CHN1: variants seen among roughly 807,000 people sequenced by gnomAD.
CHN1 encodes chimerin 1.
Under a neutral mutation model 59.5 loss-of-function variants are expected in CHN1, and 37 were observed. That is an observed-to-expected ratio of 0.62 (90% CI 0.48 to 0.82). The LOEUF is 0.82. Among genes scored for constraint, CHN1 ranks in the 40% least tolerant of loss-of-function variants. The pLI, the probability that CHN1 is intolerant of heterozygous loss-of-function variation, is 0.00. For missense variants in CHN1, 469 were observed against 571.0 expected, an observed-to-expected ratio of 0.82 and a Z score of 1.82; for synonymous variants, 206 against 200.4, an observed-to-expected ratio of 1.03 and a Z score of -0.24.
At chr2:174,831,983 G>C (rs1203395502) in intron 7 of CHN1, among the ~76,000 whole-genome samples, 2 of 152,122 alleles carry the variant, frequency 1.3e-5, no homozygotes, top group Non-Finnish European at 2.9e-5. Flanking sequence ...CTACATTATA[G>C]ATAGGTAACT....
At chr2:174,924,887 T>C (rs1427227824) in intron 3 of CHN1, among the ~76,000 whole-genome samples, 1 of 152,220 alleles carries the variant, frequency 6.6e-6, no homozygotes, top group Non-Finnish European at 1.5e-5. Context: ...TAAAACTGGT[T>C]GAACTCAATG....
chr2:174,984,161 A>G (rs1691259017), intron 1 of CHN1, among the ~76,000 whole-genome samples: 1 of 152,094 alleles, frequency 6.6e-6, no homozygotes, highest in Non-Finnish European at 1.5e-5. Flanking sequence ...TCCATGGGGA[A>G]AATAAACACT....
At chr2:174,915,667 A>G (rs192519037) in intron 4 of CHN1, among the ~76,000 whole-genome samples, 1 of 152,342 alleles carries the variant, frequency 6.6e-6, no homozygotes, top group Non-Finnish European at 1.5e-5. Flanking sequence ...CATAATCTGC[A>G]TTACTGAACA....
At chr2:174,942,104 C>G (rs1008184537) in intron 3 of CHN1, among the ~76,000 whole-genome samples, 18 of 152,064 alleles carry the variant, frequency 1.2e-4, no homozygotes, top group African/African-American at 4.3e-4. Flanking sequence ...TATGGAGGTT[C>G]CACTAAAAAA....
intron 6 of CHN1, among the ~76,000 whole-genome samples, chr2:174,866,675 A>G (rs1008312427): frequency 6.6e-6 from 1 of 152,210 alleles, no homozygotes; most frequent in African/African-American, 2.4e-5. Context: ...TGCAGATGGA[A>G]ATTATGGAAA....
chr2:174,991,035 C>G (rs925810807), intron 1 of CHN1, among the ~76,000 whole-genome samples: 1 of 152,150 alleles, frequency 6.6e-6, no homozygotes, highest in East Asian at 1.9e-4. Flanking sequence ...CTGACTGCAT[C>G]TTTTAAAAGG....
intron 1 of CHN1, among the ~76,000 whole-genome samples, chr2:174,956,633 G>A (rs1326655458): frequency 1.6e-4 from 24 of 151,794 alleles, no homozygotes; most frequent in African/African-American, 4.4e-4. Context: ...TTAGCTGGGC[G>A]TGGTGGCAGG....
chr2:174,978,331 C>G (rs922439597), intron 1 of CHN1, among the ~76,000 whole-genome samples: 4 of 152,184 alleles, frequency 2.6e-5, no homozygotes, highest in African/African-American at 4.8e-5. Context: ...TGTCCACAAT[C>G]CGTATTTCTG....
At chr2:174,996,228 C>T (rs1376885516) in intron 1 of CHN1, among the ~76,000 whole-genome samples, 1 of 152,084 alleles carries the variant, frequency 6.6e-6, no homozygotes, top group Non-Finnish European at 1.5e-5. Context: ...GTCATAGTGG[C>T]CAGCACTATC....
chr2:174,943,957 A>G (rs556685807), intron 3 of CHN1, among the ~76,000 whole-genome samples: 1 of 152,266 alleles, frequency 6.6e-6, no homozygotes, highest in Non-Finnish European at 1.5e-5. Flanking sequence ...TTGCCTGACC[A>G]GACTATATAT....
At chr2:175,000,332 T>G (rs1691852073) in intron 1 of CHN1, among the ~76,000 whole-genome samples, 1 of 151,734 alleles carries the variant, frequency 6.6e-6, no homozygotes, top group Admixed American at 6.6e-5. Context: ...AGTAGAGACA[T>G]GGTTTTGCTA....
At chr2:174,943,574 G>A (rs1350263267) in intron 3 of CHN1, among the ~76,000 whole-genome samples, 3 of 152,026 alleles carry the variant, frequency 2.0e-5, no homozygotes, top group East Asian at 1.9e-4. Flanking sequence ...GTTTCAATAC[G>A]TGACCATTTA....
At chr2:174,840,465 C>T (rs559637055) in intron 7 of CHN1, among the ~76,000 whole-genome samples, 1 of 152,160 alleles carries the variant, frequency 6.6e-6, no homozygotes, top group East Asian at 1.9e-4. Context: ...TGTGCCTGGC[C>T]CCAAACCCTT....
chr2:174,833,832 C>A (rs1429862258), intron 7 of CHN1, among the ~76,000 whole-genome samples: 2 of 151,018 alleles, frequency 1.3e-5, no homozygotes, highest in African/African-American at 4.9e-5. Context: ...CACTCTGTCA[C>A]CCAGGTTGGA....
intron 6 of CHN1, chr2:174,847,342 T>A: frequency 7.7e-7 from 1 of 1,298,004 alleles, no homozygotes; most frequent in East Asian, 2.9e-5. Flanking sequence ...CCTTTTTTTT[T>A]CTTAAAGGGA....
intron 1 of CHN1, among the ~76,000 whole-genome samples, chr2:174,994,065 A>G (rs1357502194): frequency 6.6e-6 from 1 of 152,242 alleles, no homozygotes; most frequent in East Asian, 1.9e-4. Context: ...TAAAACATGA[A>G]CAAACCAAGC....
chr2:174,907,540 T>C (rs1403326971), intron 5 of CHN1, among the ~76,000 whole-genome samples: 1 of 152,124 alleles, frequency 6.6e-6, no homozygotes, highest in East Asian at 1.9e-4. Flanking sequence ...ATTTAGGAGG[T>C]ATTATCTTTT....
intron 3 of CHN1, among the ~76,000 whole-genome samples, chr2:174,924,605 G>A (rs996074112): frequency 1.3e-5 from 2 of 151,740 alleles, no homozygotes; most frequent in Non-Finnish European, 2.9e-5. Context: ...GCATTTAGAT[G>A]TTTTGCTGAG....
At chr2:174,967,748 C>T (rs1690639135) in intron 1 of CHN1, among the ~76,000 whole-genome samples, 1 of 152,280 alleles carries the variant, frequency 6.6e-6, no homozygotes, top group African/African-American at 2.4e-5. Context: ...TCAGCAGACC[C>T]ACTATATAAC....
Sources: gnomAD v4.1 joint callset for allele counts (sites outside exome capture counted in the v4.1 genomes callset) on GRCh38, gnomAD v4.1.1 for gene constraint, MANE v1.5 for transcripts, NCBI Gene and HGNC (gene_info 2026-07-23, HGNC 2026-07-21) for gene names.